Variants in MAST1 observed in about 807,000 individuals in gnomAD.
MAST1 encodes the protein microtubule associated serine/threonine kinase 1.
MAST1 carries 40 observed loss-of-function variants against 124.6 expected under a neutral mutation model. The observed-to-expected ratio is 0.32, with a 90% CI of 0.25 to 0.42. MAST1 has a LOEUF of 0.42. Ranked by LOEUF, MAST1 falls within the 10% of genes least tolerant of loss-of-function variation. MAST1 has a pLI of 1.00. For missense variants in MAST1, 1,558 were observed against 2,181.9 expected, an observed-to-expected ratio of 0.71 and a Z score of 5.70; for synonymous variants, 938 against 939.4, an observed-to-expected ratio of 1.00 and a Z score of 0.03.
chr19:12,846,921 A>T (rs1478230000), intron 4 of MAST1, among the ~76,000 whole-genome samples: 2 of 150,384 alleles, frequency 1.3e-5, no homozygotes, highest in African/African-American at 4.9e-5. Context: ...GGAGCAGAGG[A>T]AGTAAGCAGG....
In MAST1 at chr19:12,852,173, A is replaced by G. The variant is rs1969968827; in HGVS notation, c.935A>G (p.Glu312Gly). 6.2e-7 allele frequency: 1 copy of G among 1,614,038 alleles called. No homozygotes were observed. The highest frequency in any genetic ancestry group is 8.5e-7 in the Non-Finnish European group (1 of 1,180,006). The change falls in exon 9 of 26, where the codon GAG (glutamate) becomes GGG (glycine). Residue 312 changes from glutamate (E) to glycine (G), a missense_variant. Physicochemically the swap from Glu to Gly is moderately conservative, Grantham distance 98 (BLOSUM62 -2). This residue lies in a region of MAST1 where 136 missense variants were observed against 160.9 expected (regional missense o/e 0.85). Transcript: ENST00000251472. ...LLEAAEGHAK[E>G]GHLVKTDIPR... ...GAGGCGGCCGAAGGACACGCCAAGG[A>G]GGGCCACCTTGTGAAGACGGACATC... is the stretch of plus-strand genomic sequence containing the variant.
Position 12,873,307 on chromosome 19 carries a change from C to T in MAST1, c.3264-17C>T. On this transcript the variant is annotated splice_polypyrimidine_tract_variant and intron_variant, in intron 24 of 25. Coordinates refer to ENST00000251472, the MANE Select transcript of MAST1 (RefSeq NM_014975.3). ...GCGTCCAGGTCAAGGACGCTTGGCC[C>T]CCTCCCTGTCCCGCAGCAAGAAGCG... 6.2e-7 allele frequency: 1 copy of T among 1,608,386 alleles called. No individual in the cohort carries two copies.
intron 24 of MAST1, among the ~76,000 whole-genome samples, chr19:12,871,704 G>A (rs1345223868): frequency 6.6e-6 from 1 of 151,868 alleles, no homozygotes; most frequent in African/African-American, 2.4e-5. Flanking sequence ...AGGATCACTT[G>A]AGCCCAGGAG....
Position 12,874,789 on chromosome 19 carries a change from C to T in MAST1, c.4632C>T (p.Thr1544=). ...GCACCAAGCCTCAAGTGGGGCTGAC[C>T]TCCCGGTGCCCTGCTGAAGCTGTGC... ...GSGTKPQVGL[T]SRCPAEAVPP... is the part of the protein sequence containing the mutation. The change falls in exon 26 of 26, where the codon ACC becomes ACT. Residue 1544 remains threonine, a synonymous_variant. Transcript: ENST00000251472. The surrounding 1 kb of genome is among the most constrained non-coding windows in gnomAD (Gnocchi z 6.6). The T allele has an allele frequency of 6.2e-7, 1 of 1,602,520 alleles. No individual in the cohort carries two copies. Among genetic ancestry groups the T allele is most frequent in the Non-Finnish European group, 8.5e-7 (1 of 1,172,066 alleles).
At chr19:12,855,920 T>C (rs1217530368) in intron 10 of MAST1, among the ~76,000 whole-genome samples, 1 of 151,656 alleles carries the variant, frequency 6.6e-6, no homozygotes, top group Non-Finnish European at 1.5e-5. Flanking sequence ...TTTAAGCAAA[T>C]TCTCCTTGTA....
chr19:12,848,267 G>T (rs183066162), intron 7 of MAST1: 4 of 574,756 alleles, frequency 7.0e-6, no homozygotes, highest in Non-Finnish European at 1.2e-5. Context: ...ATTTCCCTTA[G>T]GTCTTTACTC....
rs887893936 is a variant in MAST1 at position 12,838,705 on chromosome 19, G to A, written c.83+50G>A. ...TGTCCCGGCCCTCCCCGCAAAAGCC[G>A]CCGCTCCGGGTACTGCTGCAGGGCG... is the stretch of plus-strand genomic sequence containing the variant. On this transcript the variant is annotated intron_variant, in intron 1 of 25. Transcript: ENST00000251472. The surrounding 1 kb of genome is among the most constrained non-coding windows in gnomAD (Gnocchi z 4.3). The A allele has an allele frequency of 1.9e-6, 3 of 1,555,034 alleles. No homozygotes were observed. The highest frequency in any genetic ancestry group is 3.4e-5 in the Admixed American group (2 of 58,882).
At chr19:12,858,283 C>A in intron 10 of MAST1, 79 bp from the exon 11 acceptor site, 1 of 1,249,472 alleles carries the variant, frequency 8.0e-7, no homozygotes, top group Non-Finnish European at 1.1e-6. Flanking sequence ...GCCTCAGTTT[C>A]CCCATGTGTA....
rs774858265 is a variant in MAST1, at chr19:12,865,408, C to T, written c.1731C>T (p.Leu577=). The T allele has an allele frequency of 1.2e-6, 2 of 1,612,062 alleles. No individual in the cohort carries two copies. Among genetic ancestry groups the T allele is most frequent in the Admixed American group, 1.7e-5 (1 of 59,548 alleles). The change falls in exon 15 of 26, where the codon CTC becomes CTT. Residue 577 remains leucine (L), a synonymous_variant. Coordinates refer to ENST00000251472, the MANE Select transcript of MAST1 (RefSeq NM_014975.3). This position sits in a 1 kb window ranked among gnomAD's most constrained non-coding sequence, Gnocchi z 7.1. ...PVDWWAMGII[L]YEFLVGCVPF... ...ACTGGTGGGCTATGGGGATCATCCT[C>T]TACGAGTTCCTGGTGGGCTGTGTGC...
intron 7 of MAST1, 143 bp downstream of exon 7, chr19:12,848,200 GA>G: frequency 1.4e-6 from 1 of 718,778 alleles, no homozygotes; most frequent in Non-Finnish European, 2.3e-6. Context: ...CTCAGGGGTG[GA>G]AGTGGTCCCT....
chr19:12,865,540 C>T lies in MAST1; in HGVS notation c.1804+59C>T, dbSNP rs1568413361. The stretch of plus-strand genomic sequence containing the variant: ...TGGTGTGCACGGAGAGATGGACAGG[C>T]TCAGGGTTCCAGGGATTTCAAAAGC... On this transcript the variant is annotated intron_variant, in intron 15 of 25. Transcript: ENST00000251472. This position sits in a 1 kb window ranked among gnomAD's most constrained non-coding sequence, Gnocchi z 7.1. 9.1e-6 allele frequency: 14 copies of T among 1,531,904 alleles called. No individual in the cohort carries two copies. Among genetic ancestry groups the T allele is most frequent in the Non-Finnish European group, 1.2e-5 (14 of 1,138,758 alleles). The allele number at this position is 1,531,904 out of a possible 1,614,324, so 94.9% of individuals were successfully genotyped here. A position where few individuals can be genotyped will look rare whatever the true frequency, so the allele number is the denominator to read the frequency against.
chr19:12,858,739 G>T lies in MAST1; in HGVS notation c.1366G>T (p.Gly456Cys). 1 of 1,614,198 alleles carries T rather than the reference G, an allele frequency of 6.2e-7. No individual in the cohort carries two copies. The highest frequency in any genetic ancestry group is 8.5e-7 in the Non-Finnish European group (1 of 1,180,038). ...CTGCATGGTCATGGAATATGTGGAA[G>T]GTGTGGCTGCCTGCGGGGCTGCAGG... The part of the protein sequence containing the change: ...HLCMVMEYVE[G>C]GDCATLLKNI... Residue 456 changes from glycine to cysteine, a missense_variant and splice_region_variant, in exon 12 of 26, where the codon GGC (glycine) becomes TGC (cysteine). Gly to Cys is a radical substitution (Grantham distance 159, BLOSUM62 -3). Coordinates refer to ENST00000251472, the MANE Select transcript of MAST1 (RefSeq NM_014975.3).
At position 12,865,011 on chromosome 19, in the gene MAST1, G is replaced by C; in HGVS notation, c.1506-35G>C. On this transcript the variant is annotated intron_variant, in intron 13 of 25. Coordinates refer to ENST00000251472, the MANE Select transcript of MAST1 (RefSeq NM_014975.3). The surrounding 1 kb of genome is among the most constrained non-coding windows in gnomAD (Gnocchi z 7.1). Reference sequence around the variant, plus strand: ...GGGAGGCCAGGAGGCAGAATGGACGGGCCTCATCCCTGAGATCCCCACCTG... The same window carrying C: ...GGGAGGCCAGGAGGCAGAATGGACGCGCCTCATCCCTGAGATCCCCACCTG... 6.2e-7 allele frequency: 1 copy of C among 1,613,570 alleles called. No individual in the cohort carries two copies. Among genetic ancestry groups the C allele is most frequent in the Non-Finnish European group, 8.5e-7 (1 of 1,179,594 alleles).
In MAST1 at chr19:12,865,903, C is replaced by T. The variant is rs1970148079; in HGVS notation, c.1907-77C>T. The T allele has an allele frequency of 1.9e-6, 3 of 1,606,246 alleles. No homozygotes were observed. Among genetic ancestry groups the T allele is most frequent in the Admixed American group, 3.4e-5 (2 of 59,666 alleles). On this transcript the variant is annotated intron_variant, in intron 16 of 25. Transcript: ENST00000251472. This position sits in a 1 kb window ranked among gnomAD's most constrained non-coding sequence, Gnocchi z 7.1. ...CCAGGCCCAGCCTGTGCTGTGGCCC[C>T]GGGGCGGAAGACATGGGGGGCGGGG...
intron 22 of MAST1, among the ~76,000 whole-genome samples, chr19:12,869,645 C>G (rs1970206693): frequency 6.6e-6 from 1 of 151,164 alleles, no homozygotes; most frequent in South Asian, 2.1e-4. Context: ...ACCATGTTGG[C>G]TAGGATGGTC....
In MAST1 at chr19:12,866,699, C is replaced by G; in HGVS notation, c.2076C>G (p.Asp692Glu). 1.2e-6 allele frequency: 2 copies of G among 1,613,978 alleles called. No homozygotes were observed. Among genetic ancestry groups the G allele is most frequent in the Non-Finnish European group, 1.7e-6 (2 of 1,179,986 alleles). ...YHHVNSYDEDDTTEEEPVEIR... is the reference protein window; with the variant it reads ...YHHVNSYDEDETTEEEPVEIR... ...ACGTGAACTCCTATGACGAGGATGA[C>G]ACGACGGAGGAGGAGCCCGTGGAAA... Residue 692 changes from aspartate (D) to glutamate (E), a missense_variant, in exon 18 of 26, where the codon GAC becomes GAG. Around this residue, in one of 10 missense-constraint regions of MAST1, gnomAD observed 287 missense variants for 308.0 expected, o/e 0.93. Transcript: ENST00000251472. This position sits in a 1 kb window ranked among gnomAD's most constrained non-coding sequence, Gnocchi z 5.2.
At chr19:12,853,453 G>A (rs965210069) in intron 10 of MAST1, among the ~76,000 whole-genome samples, 2 of 151,862 alleles carry the variant, frequency 1.3e-5, no homozygotes, top group South Asian at 2.1e-4. Context: ...CTACTCGGGA[G>A]GCTGAGGTGG....
intron 7 of MAST1, among the ~76,000 whole-genome samples, chr19:12,851,678 G>A (rs527581759): frequency 1.3e-5 from 2 of 152,148 alleles, no homozygotes; most frequent in African/African-American, 4.8e-5. Context: ...TGGAGATGGG[G>A]TTTCACCATG....
Position 12,842,294 on chromosome 19 carries a change from T to C in MAST1, c.248+1228T>C, listed in dbSNP as rs114725354. On this transcript the variant is annotated intron_variant, in intron 3 of 25. Coordinates refer to ENST00000251472, the MANE Select transcript of MAST1 (RefSeq NM_014975.3). ...TTACTGTCTCTCTCTCTCTCTCTCT[T>C]TTTTTTTTCTTTTCTTGAGACAGAG... 2.8e-3 allele frequency among the ~76,000 whole-genome samples: 411 copies of C among 147,968 alleles called. 2 individuals are homozygous for C. Among genetic ancestry groups the C allele is most frequent in the African/African-American group, 1.0e-2 (386 of 38,664 alleles).
Sources: gnomAD v4.1 joint callset for allele counts (sites outside exome capture counted in the v4.1 genomes callset) on GRCh38, gnomAD v4.1.1 for gene constraint, gnomAD v4.1.1 regional missense constraint, Gnocchi (gnomAD v3.1) non-coding constraint, MANE v1.5 for transcripts, NCBI Gene and HGNC (gene_info 2026-07-23, HGNC 2026-07-21) for gene names.